CDIN1: variants seen among roughly 807,000 people sequenced by gnomAD.
The protein encoded by CDIN1 is CDAN1-interacting nuclease 1.
A neutral mutation model predicts 45.3 loss-of-function variants in CDIN1; 33 were observed. The ratio of observed to expected loss-of-function variants is 0.73; its 90% confidence interval spans 0.55 to 0.97. The LOEUF is 0.97. CDIN1 is among the 50% of genes least tolerant of loss of function. CDIN1 has a pLI of 0.00. For synonymous variants in CDIN1, 118 were observed against 124.4 expected (o/e 0.95, Z 0.34); for missense variants, 303 against 339.4 (o/e 0.89, Z 0.84).
At chr15:36,609,143 C>G (rs975227438) in intron 1 of CDIN1, among the ~76,000 whole-genome samples, 1 of 152,140 alleles carries the variant, frequency 6.6e-6, no homozygotes, top group African/African-American at 2.4e-5. Context: ...CCTGAGTAGC[C>G]TGGGACCACA....
chr15:36,698,886 A>G (rs1363806790), intron 8 of CDIN1, among the ~76,000 whole-genome samples: 3 of 152,192 alleles, frequency 2.0e-5, no homozygotes, highest in African/African-American at 7.2e-5. Flanking sequence ...GATGTGGGCT[A>G]AACTTAGTCC....
chr15:36,617,801 T>C (rs2038967152), intron 1 of CDIN1: 2 of 804,318 alleles, frequency 2.5e-6, no homozygotes, highest in East Asian at 4.9e-5. Flanking sequence ...TAGCAGCTGG[T>C]ATATCACTTT....
At chr15:36,678,520 C>T (rs1195981099) in intron 5 of CDIN1, among the ~76,000 whole-genome samples, 10 of 152,184 alleles carry the variant, frequency 6.6e-5, no homozygotes, top group Non-Finnish European at 4.4e-5. Context: ...TGTTCAGTTG[C>T]AGAGTCTGTT....
intron 10 of CDIN1, among the ~76,000 whole-genome samples, chr15:36,771,314 C>T (rs2054071175): frequency 6.6e-6 from 1 of 152,036 alleles, no homozygotes; most frequent in Non-Finnish European, 1.5e-5. Flanking sequence ...AACAAACCTG[C>T]ACATTCTGCA....
intron 7 of CDIN1, among the ~76,000 whole-genome samples, chr15:36,693,292 C>T (rs1728122657): frequency 6.6e-6 from 1 of 152,150 alleles, no homozygotes; most frequent in Admixed American, 6.5e-5. Context: ...TGTATTTCTC[C>T]TCCAAGTCTG....
At chr15:36,781,896 CCT>C (rs2054362841) in intron 10 of CDIN1, among the ~76,000 whole-genome samples, 1 of 152,180 alleles carries the variant, frequency 6.6e-6, no homozygotes, top group African/African-American at 2.4e-5. Flanking sequence ...AGATCCAGCC[CCT>C]GTCCTCACCA....
At chr15:36,714,999 G>A (rs2043173410) in intron 10 of CDIN1, among the ~76,000 whole-genome samples, 1 of 152,224 alleles carries the variant, frequency 6.6e-6, no homozygotes, top group Admixed American at 6.5e-5. Context: ...GGCCAGAGCA[G>A]AGTTACCTAA....
intron 10 of CDIN1, among the ~76,000 whole-genome samples, chr15:36,725,076 A>G (rs920403458): frequency 6.6e-6 from 1 of 152,158 alleles, no homozygotes; most frequent in Non-Finnish European, 1.5e-5. Flanking sequence ...TCTTCCTGCA[A>G]TGTGATGGCT....
intron 1 of CDIN1, among the ~76,000 whole-genome samples, chr15:36,642,710 T>A (rs2040159816): frequency 6.6e-6 from 1 of 152,246 alleles, no homozygotes. Context: ...TATGTTTTAT[T>A]TACAGTTTAG....
chr15:36,633,753 C>CT (rs111912823), intron 1 of CDIN1, among the ~76,000 whole-genome samples: 310 of 142,894 alleles, frequency 2.2e-3, no homozygotes, highest in African/African-American at 4.3e-3. Context: ...ACCCATGATA[C>CT]TTTTTTTTTT....
chr15:36,619,040 C>T (rs369355349), intron 1 of CDIN1: 65 of 1,347,830 alleles, frequency 4.8e-5, no homozygotes, highest in South Asian at 2.9e-4. Context: ...GTGTCTCCCA[C>T]GACAAACAAA....
intron 1 of CDIN1, among the ~76,000 whole-genome samples, chr15:36,622,736 C>G (rs1384039773): frequency 6.6e-6 from 1 of 152,162 alleles, no homozygotes; most frequent in African/African-American, 2.4e-5. Context: ...CATGGGCAGA[C>G]CCCAGGGTGA....
chr15:36,647,372 G>A (rs369441559), intron 3 of CDIN1, among the ~76,000 whole-genome samples: 10 of 152,112 alleles, frequency 6.6e-5, no homozygotes, highest in Admixed American at 3.3e-4. Flanking sequence ...AGTTGAGTGG[G>A]TAATAATGAG....
chr15:36,715,046 T>C (rs2043175340), intron 10 of CDIN1, among the ~76,000 whole-genome samples: 1 of 152,172 alleles, frequency 6.6e-6, no homozygotes, highest in Non-Finnish European at 1.5e-5. Context: ...CTTGATTGGC[T>C]CTAAAGGACA....
intron 10 of CDIN1, among the ~76,000 whole-genome samples, chr15:36,782,003 T>C (rs1208403944): frequency 6.6e-6 from 1 of 152,176 alleles, no homozygotes; most frequent in Non-Finnish European, 1.5e-5. Flanking sequence ...TTGGCCAGTA[T>C]ACACAGTTTT....
In CDIN1 at chr15:36,579,920, TAC is replaced by T; in HGVS notation, c.61_62del (p.Thr21GlnfsTer32). 1 of 1,613,962 alleles carries T rather than the reference TAC, an allele frequency of 6.2e-7. No homozygotes were observed. The highest frequency in any genetic ancestry group is 8.5e-7 in the Non-Finnish European group (1 of 1,179,888). The stretch of plus-strand genomic sequence containing the variant: ...CCCAGTGCCTAGTGTCTGTGCCGCC[TAC>T]CAGGCAGAGCCTGAGGAAGCTGAAG... ...IAQCLVSVPP[T>X]RQSLRKLKQR... On this transcript the variant is annotated frameshift_variant, in exon 1 of 11. Coordinates refer to ENST00000566621, the MANE Select transcript of CDIN1 (RefSeq NM_001321759.2). LOFTEE classifies it high-confidence loss of function.
intron 4 of CDIN1, among the ~76,000 whole-genome samples, chr15:36,656,092 G>A (rs1351383166): frequency 6.6e-6 from 1 of 152,128 alleles, no homozygotes; most frequent in East Asian, 1.9e-4. Flanking sequence ...ACTTTTCTAT[G>A]AAATTGATAA....
At chr15:36,703,586 C>T (rs536551819) in intron 8 of CDIN1, among the ~76,000 whole-genome samples, 54 of 151,794 alleles carry the variant, frequency 3.6e-4, no homozygotes, top group Non-Finnish European at 7.2e-4. Flanking sequence ...AAATCTCCCT[C>T]TCCCTGCAGA....
At chr15:36,680,002 G>A (rs547898332) in intron 5 of CDIN1, among the ~76,000 whole-genome samples, 6 of 152,288 alleles carry the variant, frequency 3.9e-5, no homozygotes, top group African/African-American at 1.2e-4. Context: ...AAAACGGAGG[G>A]TTATATTTGA....
Sources: allele counts gnomAD v4.1 joint callset (sites outside exome capture counted in the v4.1 genomes callset), GRCh38; gene constraint gnomAD v4.1.1; transcripts MANE v1.5; gene names NCBI Gene and HGNC (gene_info 2026-07-23, HGNC 2026-07-21).